The following KCNMA1 variants were observed in gnomAD, a reference collection of about 807,000 sequenced individuals.
KCNMA1 encodes the protein potassium calcium-activated channel subfamily M alpha 1.
In KCNMA1, 29 loss-of-function variants were observed where a neutral mutation model predicts 140.0. The observed-to-expected ratio is 0.21, with a 90% CI of 0.15 to 0.28. The LOEUF (loss-of-function observed/expected upper bound fraction) is 0.28, where lower values mean the gene tolerates loss of function less well. Ranked by LOEUF, KCNMA1 falls within the 10% of genes least tolerant of loss-of-function variation. The probability of loss-of-function intolerance (pLI) is 1.00; values close to 1 mark genes in which losing one functional copy is unlikely to be tolerated. For synonymous variants in KCNMA1, 612 were observed against 611.9 expected, an observed-to-expected ratio of 1.00 and a Z score of 0.00; for missense variants, 880 against 1,602.2, an observed-to-expected ratio of 0.55 and a Z score of 7.70.
At chr10:77,021,979 C>A (rs1271075932) in intron 16 of KCNMA1, among the ~76,000 whole-genome samples, 1 of 152,168 alleles carries the variant, frequency 6.6e-6, no homozygotes, top group African/African-American at 2.4e-5. Flanking sequence ...CATTCCAAAT[C>A]TAGAAAGTTT....
chr10:77,089,107 C>G (rs1330919564), intron 10 of KCNMA1, among the ~76,000 whole-genome samples: 1 of 152,220 alleles, frequency 6.6e-6, no homozygotes, highest in Admixed American at 6.5e-5. Context: ...TGGGTACCTG[C>G]TCCTGTGCTA....
At chr10:77,556,976 T>C (rs778131136) in intron 1 of KCNMA1, among the ~76,000 whole-genome samples, 7 of 152,188 alleles carry the variant, frequency 4.6e-5, no homozygotes, top group Non-Finnish European at 1.0e-4. Context: ...TGTATTATAT[T>C]GATGATCCTC....
chr10:77,535,950 A>T (rs2058787270), intron 1 of KCNMA1, among the ~76,000 whole-genome samples: 1 of 152,236 alleles, frequency 6.6e-6, no homozygotes, highest in Non-Finnish European at 1.5e-5. Flanking sequence ...GGTAGATAGA[A>T]GGAATACGAT....
chr10:76,944,084 T>C (rs2063305361), intron 23 of KCNMA1, among the ~76,000 whole-genome samples: 1 of 152,184 alleles, frequency 6.6e-6, no homozygotes. Flanking sequence ...AGATCCTGAT[T>C]ACAGAGGTCA....
At chr10:77,545,820 C>T (rs552229916) in intron 1 of KCNMA1, among the ~76,000 whole-genome samples, 14 of 152,332 alleles carry the variant, frequency 9.2e-5, no homozygotes, top group South Asian at 2.1e-4. Context: ...GGAAAGCATG[C>T]CTCAGCGTAG....
At chr10:77,170,471 T>C (rs563323056) in intron 5 of KCNMA1, among the ~76,000 whole-genome samples, 13 of 62,050 alleles carry the variant, frequency 2.1e-4, no homozygotes, top group African/African-American at 8.5e-4. Flanking sequence ...AGGTCGGAGG[T>C]GAGGCTCCAT....
intron 2 of KCNMA1, among the ~76,000 whole-genome samples, chr10:77,306,946 C>G (rs893736708): frequency 2.0e-5 from 3 of 152,214 alleles, no homozygotes; most frequent in African/African-American, 7.2e-5. Flanking sequence ...AGGTCAATAC[C>G]TGGAAGCCAC....
intron 23 of KCNMA1, among the ~76,000 whole-genome samples, chr10:76,918,387 G>T (rs1472659294): frequency 2.0e-5 from 3 of 152,208 alleles, no homozygotes; most frequent in African/African-American, 7.2e-5. Context: ...CACCAGATGG[G>T]CTCCTGATTC....
chr10:77,221,993 G>A (rs2049848977), intron 3 of KCNMA1, among the ~76,000 whole-genome samples: 1 of 139,526 alleles, frequency 7.2e-6, no homozygotes, highest in Non-Finnish European at 1.6e-5. Context: ...TTCATCATCT[G>A]TAAAATGGTG....
intron 1 of KCNMA1, among the ~76,000 whole-genome samples, chr10:77,431,825 A>G (rs918083788): frequency 5.3e-5 from 8 of 151,874 alleles, no homozygotes; most frequent in Non-Finnish European, 8.8e-5. Context: ...GTGAAACCCC[A>G]TCTCTAAAAT....
At chr10:77,356,311 AG>A (rs1483632306) in intron 2 of KCNMA1, among the ~76,000 whole-genome samples, 2 of 152,250 alleles carry the variant, frequency 1.3e-5, no homozygotes, top group African/African-American at 4.8e-5. Flanking sequence ...CGGAAGCTAC[AG>A]GAATTTCACT....
At position 76,953,849 on chromosome 10, in the gene KCNMA1, A is replaced by G. The variant is rs779629574; in HGVS notation, c.2436T>C (p.Thr812=). ...MDSNVKKYDS[T]GMFHWCAPKE... ...TGGGTGCACACCAGTGAAACATCCC[A>G]GTAGAGTCGTACTTCTTCACATTGG... The change falls in exon 21 of 28, where the codon ACT becomes ACC. Residue 812 remains threonine, a synonymous_variant. Transcript: ENST00000286628. 1.9e-6 allele frequency: 3 copies of G among 1,614,018 alleles called. No individual in the cohort carries two copies. Among genetic ancestry groups the G allele is most frequent in the African/African-American group, 2.7e-5 (2 of 74,930 alleles).
In KCNMA1 at chr10:77,403,853, G is replaced by A; in HGVS notation, c.540+9C>T. On this transcript the variant is annotated intron_variant, in intron 2 of 27. Transcript: ENST00000286628. ...GGCCTCCTGGTGTGAGAAGTGGGTGGAGACTCACCAGGACTCTGCCAGTCA... is the reference window on the plus strand; with the variant it reads ...GGCCTCCTGGTGTGAGAAGTGGGTGAAGACTCACCAGGACTCTGCCAGTCA... 6.2e-7 allele frequency: 1 copy of A among 1,610,380 alleles called. No individual in the cohort carries two copies. Among genetic ancestry groups the A allele is most frequent in the Non-Finnish European group, 8.5e-7 (1 of 1,177,450 alleles).
chr10:77,476,117 G>C (rs1374849525), intron 1 of KCNMA1, among the ~76,000 whole-genome samples: 1 of 152,216 alleles, frequency 6.6e-6, no homozygotes, highest in Non-Finnish European at 1.5e-5. Flanking sequence ...TTGAGCAGGA[G>C]AGCAAATGAG....
intron 2 of KCNMA1, among the ~76,000 whole-genome samples, chr10:77,383,855 G>A (rs1813698203): frequency 6.6e-6 from 1 of 152,250 alleles, no homozygotes; most frequent in African/African-American, 2.4e-5. Context: ...ACTACTCCCA[G>A]CTTTACAGCA....
chr10:76,982,031 G>A (rs1264817415), intron 19 of KCNMA1, among the ~76,000 whole-genome samples: 1 of 152,118 alleles, frequency 6.6e-6, no homozygotes, highest in Non-Finnish European at 1.5e-5. Context: ...CCCTTTCCTG[G>A]GGGGATGAGC....
rs11002141 is a variant in KCNMA1 at position 77,383,340 on chromosome 10, G to T, written c.540+20522C>A. ...ACCTGTGAAATAAATGTGCAGGTGT[G>T]CTGGGGGCTTCTAGAAATGTGGGCC... On this transcript the variant is annotated intron_variant, in intron 2 of 27. Transcript: ENST00000286628. Among the ~76,000 whole-genome samples the T allele has an allele frequency of 4.6e-3, 691 of 151,848 alleles. 11 individuals carry two copies. The highest frequency in any genetic ancestry group is 0.016 in the African/African-American group (667 of 41,432).
At chr10:77,001,319 G>T in intron 19 of KCNMA1, 88 bp downstream of exon 19, 4 of 1,246,120 alleles carry the variant, frequency 3.2e-6, no homozygotes, top group South Asian at 2.6e-5. Context: ...CAGCCCGACT[G>T]ACTCAGAACC....
chr10:77,245,753 A>G (rs1353050493), intron 3 of KCNMA1, among the ~76,000 whole-genome samples: 1 of 152,188 alleles, frequency 6.6e-6, no homozygotes, highest in Non-Finnish European at 1.5e-5. Context: ...CAGATTAGGT[A>G]AGGATAGGAA....
Sources: gnomAD v4.1 joint callset for allele counts (sites outside exome capture counted in the v4.1 genomes callset) on GRCh38, gnomAD v4.1.1 for gene constraint, MANE v1.5 for transcripts, NCBI Gene and HGNC (gene_info 2026-07-23, HGNC 2026-07-21) for gene names.